Variants in DHX8 observed in about 807,000 individuals in gnomAD.
The protein encoded by DHX8 is ATP-dependent RNA helicase DHX8.
In DHX8, 67 loss-of-function variants were observed where a neutral mutation model predicts 140.7. That is an observed-to-expected ratio of 0.48 (90% CI 0.39 to 0.58). The LOEUF (loss-of-function observed/expected upper bound fraction) is 0.58, where lower values mean the gene tolerates loss of function less well. Among genes scored for constraint, DHX8 ranks in the 20% least tolerant of loss-of-function variants. The probability of loss-of-function intolerance (pLI) is 0.00; values close to 1 mark genes in which losing one functional copy is unlikely to be tolerated. For missense variants in DHX8, 887 were observed against 1,550.7 expected (o/e 0.57, Z 7.19); for synonymous variants, 533 against 553.2 (o/e 0.96, Z 0.51).
At chr17:43,536,611 T>C (rs1971255801) in intron 3 of DHX8, 2 of 691,998 alleles carry the variant, frequency 2.9e-6, no homozygotes, top group Non-Finnish European at 5.1e-6. Context: ...GGTGTCCACA[T>C]TGTAAGAATT....
At chr17:43,514,081 C>G (rs547155664) in intron 17 of DHX8, among the ~76,000 whole-genome samples, 1 of 152,106 alleles carries the variant, frequency 6.6e-6, no homozygotes, top group Non-Finnish European at 1.5e-5. Flanking sequence ...TTGGCTCACA[C>G]CTGTAATCCC....
rs1283700519 is a variant in DHX8 at position 43,504,639 on chromosome 17, T to C, written c.1547-5T>C. 1.2e-6 allele frequency: 2 copies of C among 1,604,800 alleles called. No individual in the cohort carries two copies. The highest frequency in any genetic ancestry group is 1.7e-6 in the Non-Finnish European group (2 of 1,176,446). ...CAATACTAAGTTGCCTGTTTTCCTT[T>C]CCAGCGGAAGGCAGACAGATTGCTG... On this transcript the variant is annotated splice_region_variant and splice_polypyrimidine_tract_variant and intron_variant, in intron 11 of 22. Coordinates refer to ENST00000262415, the MANE Select transcript of DHX8 (RefSeq NM_004941.3).
chr17:43,542,788 C>A (rs574487411), intron 3 of DHX8, among the ~76,000 whole-genome samples: 1 of 152,214 alleles, frequency 6.6e-6, no homozygotes. Flanking sequence ...GACCCACCCA[C>A]ACTACCAGGA....
downstream of DHX8, chr17:43,529,940 T>TCATAGC: frequency 6.2e-7 from 1 of 1,614,140 alleles, no homozygotes; most frequent in Non-Finnish European, 8.5e-7. Context: ...CAGAGGTTTC[T>TCATAGC]CATAGCCATA....
chr17:43,530,993 A>G (rs1970901332), downstream of DHX8, among the ~76,000 whole-genome samples: 1 of 152,040 alleles, frequency 6.6e-6, no homozygotes, highest in Admixed American at 6.6e-5. Flanking sequence ...ATGTAACACA[A>G]TCCCCTCCGG....
chr17:43,508,612 G>T, intron 16 of DHX8, 92 bp downstream of exon 16: 1 of 755,730 alleles, frequency 1.3e-6, no homozygotes, highest in Non-Finnish European at 2.0e-6. Context: ...TAGGGTGTAT[G>T]CAAGTCTTTT....
chr17:43,535,958 A>G (rs1971221340), intron 2 of DHX8, among the ~76,000 whole-genome samples: 1 of 152,166 alleles, frequency 6.6e-6, no homozygotes, highest in African/African-American at 2.4e-5. Context: ...TAAAAATACA[A>G]AAATTAGCTG....
chr17:43,531,419 C>T (rs996795604), downstream of DHX8, among the ~76,000 whole-genome samples: 4 of 152,158 alleles, frequency 2.6e-5, no homozygotes, highest in South Asian at 2.1e-4. Context: ...TAAAGAAGTC[C>T]CTACTTCCTC....
At chr17:43,497,363 T>A (rs1277859273) in intron 9 of DHX8, among the ~76,000 whole-genome samples, 1 of 152,190 alleles carries the variant, frequency 6.6e-6, no homozygotes, top group Non-Finnish European at 1.5e-5. Context: ...GTTTCTTGGT[T>A]TTTGGTTAAT....
chr17:43,500,023 T>A lies in DHX8; in HGVS notation c.1466T>A (p.Leu489His). The A allele has an allele frequency of 6.2e-7, 1 of 1,614,148 alleles. No individual in the cohort carries two copies. The highest frequency in any genetic ancestry group is 1.1e-5 in the South Asian group (1 of 91,078). The stretch of plus-strand genomic sequence containing the variant: ...GCCTTGGCCAAAGAAAGGCGGGAAC[T>A]CAAACAGGCCCAGCGGGAAGCTGAG... The part of the protein sequence containing the change: ...QSALAKERRE[L>H]KQAQREAEMD... The change falls in exon 11 of 23, where the codon CTC becomes CAC. Residue 489 changes from leucine to histidine, a missense_variant. Physicochemically the swap from Leu to His is moderately conservative, Grantham distance 99 (BLOSUM62 -3). Transcript: ENST00000262415.
chr17:43,529,701 G>A, downstream of DHX8: 13 of 1,598,740 alleles, frequency 8.1e-6, 1 homozygote, highest in Non-Finnish European at 1.0e-5. Flanking sequence ...AATAGGAGGT[G>A]TGGGGTTTGT....
chr17:43,486,548 A>C (rs1429026267), intron 1 of DHX8, among the ~76,000 whole-genome samples: 6 of 152,198 alleles, frequency 3.9e-5, no homozygotes, highest in Non-Finnish European at 1.5e-5. Flanking sequence ...GATTCAGTTA[A>C]TTTAACAATT....
At chr17:43,493,087 C>A (rs1178670122) in intron 6 of DHX8, 47 bp downstream of exon 6, 1 of 1,573,178 alleles carries the variant, frequency 6.4e-7, no homozygotes. Flanking sequence ...GGCAGAATTT[C>A]TTTTATCACT....
intron 16 of DHX8, among the ~76,000 whole-genome samples, chr17:43,509,711 C>T (rs769690516): frequency 1.3e-5 from 2 of 152,100 alleles, no homozygotes; most frequent in African/African-American, 4.8e-5. Flanking sequence ...TCTTGTTGCC[C>T]AGGCTGGAGT....
chr17:43,540,383 G>T lies in DHX8; in HGVS notation c.*21-3779G>T, dbSNP rs541894183. Among the ~76,000 whole-genome samples, 471 of 152,306 alleles carry T rather than the reference G, an allele frequency of 3.1e-3. 2 individuals are homozygous for T. The highest frequency in any genetic ancestry group is 4.2e-3 in the Non-Finnish European group (286 of 68,026). ...CAGGAGAATCGCTTGAACCCAGGAG[G>T]TGGAGGTTGCAGTGAGCCAAGATAG... On this transcript the variant is annotated intron_variant, in intron 3 of 3. Transcript: ENST00000589898.
chr17:43,525,223 G>A lies in DHX8; in HGVS notation c.*1376G>A, dbSNP rs1159221365. On this transcript the variant is annotated 3_prime_UTR_variant, in exon 23 of 23. Transcript: ENST00000262415. ...TGAGAGATTGGGCACATCCTGTTAC[G>A]TTGCTGCTTCTCCTGTCCTTATGTT... The A allele has an allele frequency of 1.2e-5, 12 of 985,344 alleles. No homozygotes were observed. Among genetic ancestry groups the A allele is most frequent in the African/African-American group, 3.5e-5 (2 of 57,238 alleles). The allele number at this position is 985,344 out of a possible 1,614,324, so 61.0% of individuals were successfully genotyped here.
Position 43,492,668 on chromosome 17 carries a change from A to T in DHX8, c.504-13A>T. On this transcript the variant is annotated splice_polypyrimidine_tract_variant and intron_variant, in intron 5 of 22. Coordinates refer to ENST00000262415, the MANE Select transcript of DHX8 (RefSeq NM_004941.3). ...TGGTTTCTTTTTTAAACAGGTGCTT[A>T]TTGATTTGTTAGGGACAGGACAAAG... 1.4e-6 allele frequency: 2 copies of T among 1,458,026 alleles called. No homozygotes were observed. The highest frequency in any genetic ancestry group is 1.7e-4 in the Middle Eastern group (1 of 5,796). 90.3% of individuals were successfully genotyped at this position (1,458,026 alleles called of 1,614,324 possible).
chr17:43,504,267 C>T (rs2154586593), intron 11 of DHX8, among the ~76,000 whole-genome samples: 1 of 151,332 alleles, frequency 6.6e-6, no homozygotes, highest in East Asian at 2.0e-4. Flanking sequence ...AGAGTGACCT[C>T]TTCTCGCTTG....
At chr17:43,508,579 T>G (rs1186772558) in intron 16 of DHX8, 59 bp downstream of exon 16, 1 of 1,245,614 alleles carries the variant, frequency 8.0e-7, no homozygotes, top group African/African-American at 1.5e-5. Context: ...GTGTGCAGCC[T>G]GTCAGCCATA....
Sources: gnomAD v4.1 joint callset for allele counts (sites outside exome capture counted in the v4.1 genomes callset) on GRCh38, gnomAD v4.1.1 for gene constraint, MANE v1.5 for transcripts, NCBI Gene and HGNC (gene_info 2026-07-23, HGNC 2026-07-21) for gene names.